The following LPP variants were observed in gnomAD, a reference collection of about 807,000 sequenced individuals.
The protein encoded by LPP is lipoma-preferred partner.
Under a neutral mutation model 60.4 loss-of-function variants are expected in LPP, and 38 were observed. The ratio of observed to expected loss-of-function variants is 0.63; its 90% CI spans 0.49 to 0.83. LPP has a LOEUF of 0.83. LPP is among the 40% of genes least tolerant of loss of function. LPP has a pLI of 0.00. For missense variants in LPP, 902 were observed against 783.6 expected, an observed-to-expected ratio of 1.15 and a Z score of -1.80; for synonymous variants, 328 against 290.8, an observed-to-expected ratio of 1.13 and a Z score of -1.30.
chr3:188,296,295 C>G (rs1476427917), intron 2 of LPP, among the ~76,000 whole-genome samples: 3 of 152,010 alleles, frequency 2.0e-5, no homozygotes, highest in African/African-American at 7.2e-5. Flanking sequence ...GTGATAAAGA[C>G]AAAAATGCTT....
At chr3:188,865,864 A>G (rs1766445164) in intron 9 of LPP, among the ~76,000 whole-genome samples, 1 of 152,220 alleles carries the variant, frequency 6.6e-6, no homozygotes, top group Admixed American at 6.5e-5. Context: ...AAGGGAAGGA[A>G]CAAGGATAGC....
At chr3:188,416,638 G>T (rs1019264100) in intron 4 of LPP, among the ~76,000 whole-genome samples, 3 of 152,158 alleles carry the variant, frequency 2.0e-5, no homozygotes, top group African/African-American at 7.2e-5. Flanking sequence ...GAGACCTAGA[G>T]CATCTTTCAT....
intron 1 of LPP, among the ~76,000 whole-genome samples, chr3:188,186,149 C>G (rs908379772): frequency 1.4e-4 from 22 of 152,122 alleles, no homozygotes; most frequent in African/African-American, 4.6e-4. Flanking sequence ...AACAGGAGTC[C>G]TTGTTGTCTG....
intron 4 of LPP, among the ~76,000 whole-genome samples, chr3:188,442,205 T>C (rs990729655): frequency 2.0e-5 from 3 of 152,176 alleles, no homozygotes; most frequent in African/African-American, 4.8e-5. Flanking sequence ...ACATGTGCCA[T>C]GTTGGTTTGC....
At chr3:188,601,671 A>G (rs1841193768) in intron 6 of LPP, among the ~76,000 whole-genome samples, 2 of 152,104 alleles carry the variant, frequency 1.3e-5, no homozygotes. Context: ...CACTCTGTTG[A>G]GTGGGTTTAT....
rs1296613464 is a variant in LPP at position 188,371,657 on chromosome 3, T to A, written c.-10+29938T>A. ...TATATATATATTTTTTTTTTTTTTT[T>A]TTTTTTTTTTTTTTGAGATGGAGAC... On this transcript the variant is annotated intron_variant, in intron 3 of 11. Coordinates refer to ENST00000617246, the MANE Select transcript of LPP (RefSeq NM_001375462.1). Among the ~76,000 whole-genome samples, 127 of 71,394 alleles carry A rather than the reference T, an allele frequency of 1.8e-3. 1 individual carries two copies. The highest frequency in any genetic ancestry group is 5.1e-3 in the East Asian group (11 of 2,174). The allele number at this position is 71,394 out of a possible 152,430, so 46.8% of individuals were successfully genotyped here. A position where few individuals can be genotyped will look rare whatever the true frequency, so the allele number is the denominator to read the frequency against.
chr3:188,352,986 G>T lies in LPP; in HGVS notation c.-10+11267G>T, dbSNP rs1052252617. 6.6e-6 allele frequency among the ~76,000 whole-genome samples: 1 copy of T among 152,140 alleles called. No individual in the cohort carries two copies. Among genetic ancestry groups the T allele is most frequent in the East Asian group, 1.9e-4 (1 of 5,192 alleles). ...CCTTGAGAAGTGAGTGCTTAAAGGG[G>T]CTGGGATAGATAATCATAATGCCAT... is the stretch of plus-strand genomic sequence containing the variant. On this transcript the variant is annotated intron_variant, in intron 3 of 11. Transcript: ENST00000617246. The surrounding 1 kb of genome is among the most constrained non-coding windows in gnomAD (Gnocchi z 4.4).
chr3:188,655,061 A>G (rs561899085), intron 7 of LPP, among the ~76,000 whole-genome samples: 2 of 152,372 alleles, frequency 1.3e-5, no homozygotes, highest in African/African-American at 2.4e-5. Flanking sequence ...AGGTGAATGC[A>G]TATATATCAT....
chr3:188,206,243 C>T (rs1013047233), intron 1 of LPP, among the ~76,000 whole-genome samples: 5 of 151,962 alleles, frequency 3.3e-5, no homozygotes, highest in East Asian at 1.9e-4. Context: ...TGGCTCTTGG[C>T]GCACCTGCTG....
At chr3:188,230,681 G>A (rs1719582475) in intron 2 of LPP, among the ~76,000 whole-genome samples, 1 of 151,382 alleles carries the variant, frequency 6.6e-6, no homozygotes, top group African/African-American at 2.4e-5. Flanking sequence ...GCTGAGGCAG[G>A]AGAATTGCTT....
At chr3:188,822,201 G>T (rs1754166501) in intron 9 of LPP, among the ~76,000 whole-genome samples, 1 of 152,068 alleles carries the variant, frequency 6.6e-6, no homozygotes, top group Non-Finnish European at 1.5e-5. Flanking sequence ...GAACAGGGAG[G>T]TCATTAAATG....
At chr3:188,444,722 T>C (rs1794815149) in intron 4 of LPP, among the ~76,000 whole-genome samples, 1 of 152,168 alleles carries the variant, frequency 6.6e-6, no homozygotes, top group Non-Finnish European at 1.5e-5. Context: ...AGAAAATTTT[T>C]GCAATCTGTC....
chr3:188,815,182 T>G (rs1206000734), intron 9 of LPP, among the ~76,000 whole-genome samples: 1 of 152,224 alleles, frequency 6.6e-6, no homozygotes, highest in East Asian at 1.9e-4. Context: ...ATTTGCCATA[T>G]GGATAAGCAA....
At chr3:188,872,860 A>G in intron 11 of LPP, 97 bp downstream of exon 11, 1 of 1,523,798 alleles carries the variant, frequency 6.6e-7, no homozygotes, top group Non-Finnish European at 8.9e-7. Flanking sequence ...AAATCTCAGA[A>G]CGGCCTTAGT....
rs1390431401 is a variant in LPP, at chr3:188,875,191, T to G, written c.*712T>G. On this transcript the variant is annotated 3_prime_UTR_variant, in exon 12 of 12. Coordinates refer to ENST00000617246, the MANE Select transcript of LPP (RefSeq NM_001375462.1). ...AGACAACCAAGCTTCAATATTTTTC[T>G]AAAGAAATTACAGGTGGGATATGCT... is the stretch of plus-strand genomic sequence containing the variant. 2 of 217,572 alleles carry G rather than the reference T, an allele frequency of 9.2e-6. No individual in the cohort carries two copies. The highest frequency in any genetic ancestry group is 1.8e-5 in the Non-Finnish European group (2 of 108,138). The allele number at this position is 217,572 out of a possible 1,614,324, so 13.5% of individuals were successfully genotyped here.
intron 1 of LPP, chr3:188,179,743 G>A (rs1724357596): frequency 3.0e-6 from 1 of 338,188 alleles, no homozygotes; most frequent in South Asian, 2.3e-5. Context: ...AGTGAGAGCA[G>A]TAGTTAGCTT....
At chr3:188,331,475 C>T (rs901127462) in intron 2 of LPP, among the ~76,000 whole-genome samples, 29 of 152,226 alleles carry the variant, frequency 1.9e-4, no homozygotes, top group Non-Finnish European at 4.1e-4. Flanking sequence ...ACTGATTTTC[C>T]CATTATTTTA....
chr3:188,518,905 A>G (rs1440271354), intron 5 of LPP, among the ~76,000 whole-genome samples: 2 of 150,948 alleles, frequency 1.3e-5, no homozygotes, highest in Admixed American at 6.6e-5. Flanking sequence ...TTTTTTTTTC[A>G]TAGCACAGGA....
At chr3:188,451,562 C>T (rs1021111591) in intron 4 of LPP, among the ~76,000 whole-genome samples, 1 of 152,158 alleles carries the variant, frequency 6.6e-6, no homozygotes, top group African/African-American at 2.4e-5. Context: ...TGTGGTTTCT[C>T]TGGAACCTTT....
Sources: gnomAD v4.1 joint callset for allele counts (sites outside exome capture counted in the v4.1 genomes callset) on GRCh38, gnomAD v4.1.1 for gene constraint, Gnocchi (gnomAD v3.1) non-coding constraint, MANE v1.5 for transcripts, NCBI Gene and HGNC (gene_info 2026-07-23, HGNC 2026-07-21) for gene names.